Variants in IGF1R observed in about 807,000 individuals in gnomAD.
The protein encoded by IGF1R is insulin like growth factor 1 receptor.
IGF1R carries 44 observed loss-of-function variants against 144.6 expected under a neutral mutation model. The ratio of observed to expected loss-of-function variants is 0.30; its 90% CI spans 0.24 to 0.39. The LOEUF is 0.39. Ranked by LOEUF, IGF1R falls within the 10% of genes least tolerant of loss-of-function variation. The probability of loss-of-function intolerance (pLI) is 1.00; values close to 1 mark genes in which losing one functional copy is unlikely to be tolerated. For missense variants in IGF1R, 1,355 were observed against 1,833.7 expected (o/e 0.74, Z 4.77); for synonymous variants, 795 against 722.8 (o/e 1.10, Z -1.60).
intron 2 of IGF1R, among the ~76,000 whole-genome samples, chr15:98,870,857 G>A (rs74941313): frequency 6.6e-6 from 1 of 152,238 alleles, no homozygotes; most frequent in South Asian, 2.1e-4. Flanking sequence ...CAATGGCCTT[G>A]AGTGATGGAG....
intron 1 of IGF1R, among the ~76,000 whole-genome samples, chr15:98,652,203 A>G (rs1200855877): frequency 1.3e-5 from 2 of 152,246 alleles, no homozygotes; most frequent in African/African-American, 4.8e-5. Context: ...TGAACAGAGC[A>G]TCTAAATGAA....
At chr15:98,910,985 G>A (rs910628971) in intron 6 of IGF1R, among the ~76,000 whole-genome samples, 2 of 152,178 alleles carry the variant, frequency 1.3e-5, no homozygotes, top group African/African-American at 4.8e-5. Flanking sequence ...TCATAGCCAG[G>A]ATCTTAGGGA....
At chr15:98,826,293 T>C (rs2056894191) in intron 2 of IGF1R, among the ~76,000 whole-genome samples, 1 of 152,246 alleles carries the variant, frequency 6.6e-6, no homozygotes, top group African/African-American at 2.4e-5. Flanking sequence ...ATTTAACGTT[T>C]GCTGTAGAAG....
chr15:98,809,286 T>G (rs2056534778), intron 2 of IGF1R, among the ~76,000 whole-genome samples: 7 of 152,220 alleles, frequency 4.6e-5, no homozygotes. Flanking sequence ...GAGGACCTCC[T>G]GTTAGAAGCT....
At chr15:98,659,899 G>A (rs753143908) in intron 1 of IGF1R, among the ~76,000 whole-genome samples, 1 of 152,140 alleles carries the variant, frequency 6.6e-6, no homozygotes, top group Non-Finnish European at 1.5e-5. Flanking sequence ...ATGCTCGCCA[G>A]CCAGAAATAC....
chr15:98,829,241 A>G (rs1005320834), intron 2 of IGF1R, among the ~76,000 whole-genome samples: 5 of 152,256 alleles, frequency 3.3e-5, no homozygotes, highest in African/African-American at 4.8e-5. Context: ...GCCGTTTCTG[A>G]TGTCCTTTTC....
intron 2 of IGF1R, among the ~76,000 whole-genome samples, chr15:98,797,516 T>G (rs940808114): frequency 1.3e-5 from 2 of 152,184 alleles, no homozygotes; most frequent in Non-Finnish European, 2.9e-5. Flanking sequence ...TTCTCCCAGG[T>G]CAGATGGAGA....
At chr15:98,751,131 G>T (rs896323074) in intron 2 of IGF1R, among the ~76,000 whole-genome samples, 1 of 152,160 alleles carries the variant, frequency 6.6e-6, no homozygotes, top group Admixed American at 6.5e-5. Flanking sequence ...TAGTGTAGTT[G>T]AGCCTCTGAT....
At chr15:98,921,780 A>G (rs1567200352) in intron 10 of IGF1R, among the ~76,000 whole-genome samples, 1 of 152,110 alleles carries the variant, frequency 6.6e-6, no homozygotes, top group Non-Finnish European at 1.5e-5. Flanking sequence ...CACAGCTGAT[A>G]GGTTTGCCAC....
intron 1 of IGF1R, among the ~76,000 whole-genome samples, chr15:98,672,670 G>C (rs2091615600): frequency 6.6e-6 from 1 of 151,942 alleles, no homozygotes; most frequent in South Asian, 2.1e-4. Context: ...TTTGTGATGA[G>C]AGTCATAAGA....
rs1272092513 is a variant in IGF1R at position 98,962,152 on chromosome 15, G to A, written c.*4710G>A. 1 of 233,342 alleles carries A rather than the reference G, an allele frequency of 4.3e-6. No individual in the cohort carries two copies. The highest frequency in any genetic ancestry group is 8.5e-6 in the Non-Finnish European group (1 of 118,068). The allele number at this position is 233,342 out of a possible 1,614,324, so 14.5% of individuals were successfully genotyped here. ...GATCGATGGGTGAGAAGGCTAGGAT[G>A]CTTGTCTAGTGTTCTTAGCTGTCAC... is the stretch of plus-strand genomic sequence containing the variant. On this transcript the variant is annotated 3_prime_UTR_variant, in exon 21 of 21. Coordinates refer to ENST00000650285, the MANE Select transcript of IGF1R (RefSeq NM_000875.5).
At chr15:98,905,235 TAC>T (rs2014675242) in intron 5 of IGF1R, among the ~76,000 whole-genome samples, 1 of 152,208 alleles carries the variant, frequency 6.6e-6, no homozygotes, top group Non-Finnish European at 1.5e-5. Context: ...CTGTGTGGTC[TAC>T]AGATTGGGAG....
intron 8 of IGF1R, among the ~76,000 whole-genome samples, chr15:98,914,951 C>T (rs1015003414): frequency 6.6e-6 from 1 of 152,162 alleles, no homozygotes; most frequent in Admixed American, 6.5e-5. Context: ...TTAGTCATAA[C>T]CTTTTTCCAA....
intron 2 of IGF1R, among the ~76,000 whole-genome samples, chr15:98,712,069 A>G (rs2054006087): frequency 6.6e-6 from 1 of 152,178 alleles, no homozygotes; most frequent in Non-Finnish European, 1.5e-5. Flanking sequence ...TTAGGTTTCA[A>G]CATAAGAATT....
At chr15:98,835,080 T>TACACACACACACACACACACACAC (rs34443123) in intron 2 of IGF1R, among the ~76,000 whole-genome samples, 18 of 130,494 alleles carry the variant, frequency 1.4e-4, no homozygotes, top group African/African-American at 5.2e-4. Context: ...ACACCCCCCC[T>TACACACACACACACACACACACAC]ACACACACAC....
intron 1 of IGF1R, among the ~76,000 whole-genome samples, chr15:98,664,496 C>T (rs1294666189): frequency 6.6e-6 from 1 of 151,998 alleles, no homozygotes; most frequent in Non-Finnish European, 1.5e-5. Flanking sequence ...GAAACCCTGT[C>T]TCTACTAAAA....
chr15:98,727,444 C>T (rs888310091), intron 2 of IGF1R, among the ~76,000 whole-genome samples: 1 of 152,090 alleles, frequency 6.6e-6, no homozygotes, highest in South Asian at 2.1e-4. Context: ...TTTAATTCTG[C>T]CTCCTTTGGG....
chr15:98,823,119 T>TATTTCTCCAGGTCTCCTCTC (rs2056832291), intron 2 of IGF1R, among the ~76,000 whole-genome samples: 1 of 152,220 alleles, frequency 6.6e-6, no homozygotes, highest in Non-Finnish European at 1.5e-5. Flanking sequence ...TTGAAACCTT[T>TATTTCTCCAGGTCTCCTCTC]ATTTCTCCAG....
chr15:98,918,284 G>A (rs2015336800), intron 10 of IGF1R, among the ~76,000 whole-genome samples: 1 of 152,046 alleles, frequency 6.6e-6, no homozygotes, highest in South Asian at 2.1e-4. Context: ...CACCCAGCAC[G>A]TTCCCTTCCC....
Sources: gnomAD v4.1 joint callset for allele counts (sites outside exome capture counted in the v4.1 genomes callset) on GRCh38, gnomAD v4.1.1 for gene constraint, MANE v1.5 for transcripts, NCBI Gene and HGNC (gene_info 2026-07-23, HGNC 2026-07-21) for gene names.